The following AGBL1 variants were observed in gnomAD, a reference collection of about 807,000 sequenced individuals.
AGBL1 encodes the protein AGBL carboxypeptidase 1, also known as cytosolic carboxypeptidase 4.
AGBL1 carries 130 observed loss-of-function variants against 118.9 expected under a neutral mutation model. That is an observed-to-expected ratio of 1.09 (90% confidence interval 0.95 to 1.26). The LOEUF is 1.26. AGBL1 is among the 50% of genes most tolerant of loss of function. AGBL1 has a pLI of 0.00. For synonymous variants in AGBL1, 555 were observed against 478.9 expected (o/e 1.16, Z -2.08); for missense variants, 1,584 against 1,298.1 (o/e 1.22, Z -3.38).
At chr15:86,931,616 G>C (rs966264706) in intron 23 of AGBL1, among the ~76,000 whole-genome samples, 2 of 148,690 alleles carry the variant, frequency 1.3e-5, no homozygotes, top group East Asian at 3.9e-4. Context: ...TGCTGCTGCT[G>C]GTTGTTGTAT....
Position 86,565,640 on chromosome 15 carries a change from C to G in AGBL1, c.2994+11103C>G, listed in dbSNP as rs140750784. 4.9e-3 allele frequency among the ~76,000 whole-genome samples: 752 copies of G among 152,340 alleles called. 3 individuals carry two copies. Among genetic ancestry groups the G allele is most frequent in the Non-Finnish European group, 8.2e-3 (559 of 68,040 alleles). Reference sequence around the variant, plus strand: ...ATCTCAAACTCCATGCTAGGAGAACCACTACTGTCTTCAATGCTGTCAGAC... The same window carrying G: ...ATCTCAAACTCCATGCTAGGAGAACGACTACTGTCTTCAATGCTGTCAGAC... On this transcript the variant is annotated intron_variant, in intron 21 of 22. Coordinates refer to ENST00000614907, the MANE Select transcript of AGBL1 (RefSeq NM_001386094.1).
intron 22 of AGBL1, among the ~76,000 whole-genome samples, chr15:86,725,768 A>G (rs997741871): frequency 1.3e-5 from 2 of 152,208 alleles, no homozygotes; most frequent in Non-Finnish European, 2.9e-5. Flanking sequence ...GGTATGCATT[A>G]TATGCATATG....
At chr15:86,773,681 C>G (rs1156389346) in intron 22 of AGBL1, among the ~76,000 whole-genome samples, 1 of 151,906 alleles carries the variant, frequency 6.6e-6, no homozygotes, top group Non-Finnish European at 1.5e-5. Context: ...ATACAATTAG[C>G]CTTCATGCAC....
chr15:86,396,749 C>T (rs572950720), intron 17 of AGBL1, among the ~76,000 whole-genome samples: 1 of 152,072 alleles, frequency 6.6e-6, no homozygotes, highest in Non-Finnish European at 1.5e-5. Context: ...TTTTTTATAA[C>T]AACCACATAA....
At chr15:86,335,141 A>T (rs1425735207) in intron 17 of AGBL1, among the ~76,000 whole-genome samples, 1 of 146,352 alleles carries the variant, frequency 6.8e-6, no homozygotes, top group Admixed American at 6.8e-5. Context: ...AGATTAAGTT[A>T]TTTTTTTTTT....
downstream of AGBL1, among the ~76,000 whole-genome samples, chr15:86,918,380 G>A (rs144371813): frequency 3.4e-3 from 521 of 152,150 alleles, no homozygotes; most frequent in Non-Finnish European, 4.5e-3. Context: ...GTAACACCTC[G>A]GAAAAGGAAA....
At chr15:86,436,735 T>C (rs16977146) in intron 18 of AGBL1, among the ~76,000 whole-genome samples, 28,968 of 152,176 alleles carry the variant, frequency 0.19, 3,562 homozygotes, top group African/African-American at 0.34. Context: ...GAGCAGCAGC[T>C]GTTAATGAGG....
intron 22 of AGBL1, among the ~76,000 whole-genome samples, chr15:86,675,660 C>T (rs1285930359): frequency 1.3e-5 from 2 of 152,136 alleles, no homozygotes; most frequent in Non-Finnish European, 2.9e-5. Context: ...TTTTCAGACT[C>T]TCCCTCTGAC....
intron 22 of AGBL1, among the ~76,000 whole-genome samples, chr15:86,862,883 G>A (rs2079578319): frequency 6.6e-6 from 1 of 152,204 alleles, no homozygotes. Context: ...TGTGGAAAAT[G>A]CACTATGTAA....
At chr15:86,346,320 G>A (rs927394845) in intron 17 of AGBL1, among the ~76,000 whole-genome samples, 2 of 150,188 alleles carry the variant, frequency 1.3e-5, no homozygotes, top group Non-Finnish European at 3.0e-5. Flanking sequence ...GTTGATATAG[G>A]ATATAAGCTC....
chr15:86,595,941 T>A (rs1215553772), intron 21 of AGBL1, among the ~76,000 whole-genome samples: 1 of 151,598 alleles, frequency 6.6e-6, no homozygotes, highest in Non-Finnish European at 1.5e-5. Flanking sequence ...TAGCTATGAA[T>A]CATGCATCCC....
chr15:86,898,844 C>T (rs541499124), intron 22 of AGBL1, among the ~76,000 whole-genome samples: 29 of 152,168 alleles, frequency 1.9e-4, no homozygotes, highest in South Asian at 4.2e-4. Flanking sequence ...AATGAGATAC[C>T]ATCTCGCACC....
chr15:86,114,017 C>T (rs566077975), intron 1 of AGBL1, among the ~76,000 whole-genome samples: 13 of 152,160 alleles, frequency 8.5e-5, no homozygotes, highest in African/African-American at 2.7e-4. Context: ...AAGTCATTAA[C>T]TACACTTGAA....
At chr15:86,257,591 A>C (rs2078916708) in intron 8 of AGBL1, among the ~76,000 whole-genome samples, 1 of 152,208 alleles carries the variant, frequency 6.6e-6, no homozygotes, top group Non-Finnish European at 1.5e-5. Context: ...GGGCTCAATC[A>C]AGGTGATATT....
intron 18 of AGBL1, among the ~76,000 whole-genome samples, chr15:86,521,399 G>T (rs1462693856): frequency 1.3e-5 from 2 of 152,148 alleles, no homozygotes; most frequent in African/African-American, 4.8e-5. Flanking sequence ...CTATATTAGA[G>T]TTTTGATGGT....
intron 23 of AGBL1, chr15:86,938,656 G>A (rs2080708443): frequency 6.6e-6 from 1 of 152,142 alleles, no homozygotes; most frequent in African/African-American, 2.4e-5. Flanking sequence ...TCAGGGGTTG[G>A]AGAAAGCAAG....
chr15:86,243,845 C>G (rs2078675889), intron 6 of AGBL1, among the ~76,000 whole-genome samples: 1 of 151,892 alleles, frequency 6.6e-6, no homozygotes, highest in Non-Finnish European at 1.5e-5. Context: ...CCCGTCTCTA[C>G]TAAAAATACA....
rs530963761 is a variant in AGBL1, at chr15:86,411,778, CA to C, written c.2555+14235del. The stretch of plus-strand genomic sequence containing the variant: ...ATTACTCTGCATAATAACAAGGAAA[CA>C]AATCTTATTACTAAAGTAATTACAA... On this transcript the variant is annotated intron_variant, in intron 18 of 22. Coordinates refer to ENST00000614907, the MANE Select transcript of AGBL1 (RefSeq NM_001386094.1). Among the ~76,000 whole-genome samples, 483 of 152,134 alleles carry C rather than the reference CA, an allele frequency of 3.2e-3. 1 individual carries two copies. Among genetic ancestry groups the C allele is most frequent in the African/African-American group, 0.011 (456 of 41,502 alleles).
chr15:86,263,688 G>T (rs1424225692), intron 10 of AGBL1, among the ~76,000 whole-genome samples: 3 of 152,180 alleles, frequency 2.0e-5, no homozygotes, highest in African/African-American at 7.2e-5. Context: ...TGCTAATTCT[G>T]TGCCTAGTTG....
Sources: gnomAD v4.1 joint callset for allele counts (sites outside exome capture counted in the v4.1 genomes callset) on GRCh38, gnomAD v4.1.1 for gene constraint, MANE v1.5 for transcripts, NCBI Gene and HGNC (gene_info 2026-07-23, HGNC 2026-07-21) for gene names.